Variants in GPHN observed in about 807,000 individuals in gnomAD.
GPHN encodes gephyrin.
GPHN carries 17 observed loss-of-function variants against 95.5 expected under a neutral mutation model. The ratio of observed to expected loss-of-function variants is 0.18; its 90% confidence interval spans 0.12 to 0.27. GPHN has a LOEUF of 0.27. GPHN is among the 10% of genes least tolerant of loss of function. The pLI, the probability that GPHN is intolerant of heterozygous loss-of-function variation, is 1.00. For missense variants in GPHN, 660 were observed against 978.1 expected, an observed-to-expected ratio of 0.67 and a Z score of 4.34; for synonymous variants, 320 against 322.5, an observed-to-expected ratio of 0.99 and a Z score of 0.08.
At chr14:67,488,058 G>A in the GPHN span, among the ~76,000 whole-genome samples, 1 of 152,230 alleles carries the variant, frequency 6.6e-6, no homozygotes, top group Non-Finnish European at 1.5e-5. Flanking sequence ...ATCTGCATAT[G>A]CCCAAGGACA....
the GPHN span, among the ~76,000 whole-genome samples, chr14:67,420,507 C>G: frequency 6.6e-6 from 1 of 152,188 alleles, no homozygotes; most frequent in Admixed American, 6.5e-5. Context: ...TCTGGAGTTC[C>G]CTGTAGAGAA....
At chr14:67,380,127 T>C in the GPHN span, among the ~76,000 whole-genome samples, 1 of 152,210 alleles carries the variant, frequency 6.6e-6, no homozygotes, top group Non-Finnish European at 1.5e-5. Flanking sequence ...TTTTAGTCTT[T>C]ATTTCATATT....
chr14:67,273,008 A>G, the GPHN span, among the ~76,000 whole-genome samples: 1 of 151,640 alleles, frequency 6.6e-6, no homozygotes, highest in Non-Finnish European at 1.5e-5. Context: ...CAACTTCTTC[A>G]TTCTCACTGT....
the GPHN span, chr14:67,587,156 C>T: frequency 5.6e-6 from 9 of 1,613,984 alleles, no homozygotes; most frequent in Middle Eastern, 6.6e-4. Context: ...CCACCCGGAG[C>T]CTGCCAGCTG....
chr14:67,722,753 C>A, the GPHN span: 2 of 1,502,498 alleles, frequency 1.3e-6, no homozygotes, highest in Non-Finnish European at 1.9e-6. Context: ...TTACAAAGAC[C>A]TGCACTGGAA....
At chr14:66,669,835 T>G (rs1298288003) in intron 1 of GPHN, among the ~76,000 whole-genome samples, 1 of 152,218 alleles carries the variant, frequency 6.6e-6, no homozygotes, top group East Asian at 1.9e-4. Flanking sequence ...TTTTTGCTCA[T>G]AAAATTTGTT....
chr14:67,589,073 A>C, the GPHN span: 5 of 152,764 alleles, frequency 3.3e-5, no homozygotes, highest in African/African-American at 1.2e-4. Flanking sequence ...GGTGACAGAC[A>C]TAACAGCTCT....
chr14:67,275,771 G>A, the GPHN span, among the ~76,000 whole-genome samples: 10 of 152,180 alleles, frequency 6.6e-5, no homozygotes, highest in East Asian at 3.9e-4. Context: ...TTGGTTGGTA[G>A]GCTATTAATT....
intron 3 of GPHN, among the ~76,000 whole-genome samples, chr14:66,807,319 A>G (rs756302243): frequency 6.6e-6 from 1 of 152,214 alleles, no homozygotes. Flanking sequence ...CAGCCAAACC[A>G]TATCATCCTC....
intron 10 of GPHN, among the ~76,000 whole-genome samples, chr14:67,045,453 GTCTC>G (rs1015110249): frequency 6.8e-6 from 1 of 146,810 alleles, no homozygotes; most frequent in East Asian, 2.1e-4. Context: ...CTCTGTCTCT[GTCTC>G]TCTCTGTCTC....
At chr14:67,016,888 TAA>T in intron 9 of GPHN, among the ~76,000 whole-genome samples, 1 of 152,280 alleles carries the variant, frequency 6.6e-6, no homozygotes, top group African/African-American at 2.4e-5. Flanking sequence ...AAAATATTCA[TAA>T]AGATAATAAG....
the GPHN span, chr14:67,576,252 G>C: frequency 1.6e-6 from 1 of 619,786 alleles, no homozygotes; most frequent in South Asian, 2.0e-5. This position sits in a 1 kb window ranked among gnomAD's most constrained non-coding sequence, Gnocchi z 4.0. Context: ...CTGATCCTCA[G>C]TCTTTCCAGG....
At chr14:67,624,958 C>G in the GPHN span, among the ~76,000 whole-genome samples, 1 of 152,152 alleles carries the variant, frequency 6.6e-6, no homozygotes, top group Non-Finnish European at 1.5e-5. Flanking sequence ...CACAGTGAAA[C>G]CAGGAGGCTG....
intron 13 of GPHN, among the ~76,000 whole-genome samples, chr14:67,106,948 C>T (rs2153683247): frequency 6.6e-6 from 1 of 152,000 alleles, no homozygotes; most frequent in South Asian, 2.1e-4. Flanking sequence ...TTGCTTCTTT[C>T]AGACTTTCTG....
At chr14:67,310,433 A>G in the GPHN span, among the ~76,000 whole-genome samples, 3 of 152,130 alleles carry the variant, frequency 2.0e-5, no homozygotes, top group Non-Finnish European at 4.4e-5. Context: ...AGAAATCAGG[A>G]TGATGTTTAT....
rs1487961060 is a variant in GPHN, at chr14:67,144,248, AAAATATATATATATATAT to A, written c.1836+801_1836+818del. Among the ~76,000 whole-genome samples the A allele has an allele frequency of 9.6e-5, 6 of 62,596 alleles. 1 individual carries two copies. The highest frequency in any genetic ancestry group is 4.7e-4 in the African/African-American group (6 of 12,676). 41.1% of individuals were successfully genotyped at this position (62,596 alleles called of 152,430 possible). A position where few individuals can be genotyped will look rare whatever the true frequency, so the allele number is the denominator to read the frequency against. On this transcript the variant is annotated intron_variant, in intron 18 of 22. Coordinates refer to ENST00000478722, the MANE Select transcript of GPHN (RefSeq NM_020806.5). ...CAAGACCCTGTCTTAAAAAAAAAAA[AAAATATATATATATATAT>A]ATATATATATATATATATATACACA...
chr14:67,283,775 T>A, the GPHN span, among the ~76,000 whole-genome samples: 6 of 152,336 alleles, frequency 3.9e-5, no homozygotes, highest in South Asian at 1.2e-3. Flanking sequence ...GTTTATTAAA[T>A]ACACATAATT....
intron 1 of GPHN, among the ~76,000 whole-genome samples, chr14:66,658,130 A>AT (rs2065413054): frequency 6.6e-6 from 1 of 152,172 alleles, no homozygotes; most frequent in Non-Finnish European, 1.5e-5. Flanking sequence ...GGGGTTTATG[A>AT]CTTCATTGGT....
intron 1 of GPHN, among the ~76,000 whole-genome samples, chr14:66,619,380 A>T (rs917399880): frequency 6.6e-6 from 1 of 151,822 alleles, no homozygotes; most frequent in African/African-American, 2.4e-5. Context: ...CACATTTGTT[A>T]TGTTTGGTCT....
Sources: allele counts gnomAD v4.1 joint callset (sites outside exome capture counted in the v4.1 genomes callset), GRCh38; gene constraint gnomAD v4.1.1; non-coding constraint Gnocchi (gnomAD v3.1); transcripts MANE v1.5; gene names NCBI Gene and HGNC (gene_info 2026-07-23, HGNC 2026-07-21).